Variants in RBM39 observed in about 807,000 individuals in gnomAD.
The protein encoded by RBM39 is RNA binding motif protein 39.
RBM39 carries 12 observed loss-of-function variants against 79.6 expected under a neutral mutation model. The ratio of observed to expected loss-of-function variants is 0.15; its 90% CI spans 0.10 to 0.24. The LOEUF is 0.24. Ranked by LOEUF, RBM39 falls within the 10% of genes least tolerant of loss-of-function variation. The pLI is 1.00. For synonymous variants in RBM39, 185 were observed against 208.4 expected (o/e 0.89, Z 0.97); for missense variants, 243 against 653.4 (o/e 0.37, Z 6.85).
intron 3 of RBM39, chr20:35,734,989 T>C (rs753222151): frequency 8.1e-6 from 13 of 1,611,224 alleles, no homozygotes; most frequent in Non-Finnish European, 1.0e-5. Context: ...TTTGGACTTT[T>C]TGGTTATATG....
At chr20:35,740,641 G>T in intron 2 of RBM39, 183 bp downstream of exon 2, 2 of 1,368,832 alleles carry the variant, frequency 1.5e-6, no homozygotes, top group East Asian at 2.6e-5. Flanking sequence ...ACGCTGAAGT[G>T]AAACTACTGC....
intron 7 of RBM39, 123 bp downstream of exon 7, chr20:35,724,915 G>T: frequency 1.0e-6 from 1 of 983,492 alleles, no homozygotes; most frequent in Non-Finnish European, 1.5e-6. Context: ...AATACTACAA[G>T]AGGCAAAATG....
intron 12 of RBM39, among the ~76,000 whole-genome samples, chr20:35,711,683 A>G (rs1332018081): frequency 5.9e-5 from 9 of 152,244 alleles, no homozygotes; most frequent in Non-Finnish European, 1.2e-4. Flanking sequence ...ACAGTGAAAA[A>G]ATAAATGTAA....
chr20:35,718,172 TTTAATG>T (rs1359420519), intron 9 of RBM39, among the ~76,000 whole-genome samples: 2 of 152,114 alleles, frequency 1.3e-5, no homozygotes, highest in East Asian at 3.9e-4. Context: ...GGAACGAACT[TTTAATG>T]TTAAGTATAT....
At chr20:35,721,634 CTTAATA>C (rs372618800) in intron 9 of RBM39, 100 bp downstream of exon 9, 37 of 1,329,280 alleles carry the variant, frequency 2.8e-5, no homozygotes, top group Non-Finnish European at 3.4e-5. Flanking sequence ...CCCTTATCCT[CTTAATA>C]TTAACTCACA....
chr20:35,736,497 A>C (rs2146724640), intron 3 of RBM39: 2 of 436,468 alleles, frequency 4.6e-6, no homozygotes, highest in South Asian at 3.4e-5. Context: ...TGTTTTATGA[A>C]ATTTTATCAA....
chr20:35,714,892 CCACAATGGCT>C, intron 10 of RBM39, among the ~76,000 whole-genome samples: 1 of 151,840 alleles, frequency 6.6e-6, no homozygotes, highest in African/African-American at 2.4e-5. Flanking sequence ...ACACATATAC[CCACAATGGCT>C]TATCTGGAGA....
intron 15 of RBM39, chr20:35,704,999 C>T: frequency 1.7e-6 from 1 of 586,860 alleles, no homozygotes; most frequent in Non-Finnish European, 3.0e-6. Flanking sequence ...GATTTCATGG[C>T]AAGCTTTGAG....
At chr20:35,707,392 C>A in intron 13 of RBM39, 191 bp from the exon 14 acceptor site, 1 of 380,670 alleles carries the variant, frequency 2.6e-6, no homozygotes, top group Admixed American at 4.4e-5. Context: ...ACTGAGGTAA[C>A]CTAATACTTG....
At chr20:35,729,003 G>A (rs1385412763) in intron 6 of RBM39, among the ~76,000 whole-genome samples, 1 of 152,104 alleles carries the variant, frequency 6.6e-6, no homozygotes, top group Non-Finnish European at 1.5e-5. Context: ...TTGAACCCAG[G>A]AGGCGGAGGT....
At chr20:35,715,168 C>A (rs975963786) in intron 10 of RBM39, among the ~76,000 whole-genome samples, 1 of 152,064 alleles carries the variant, frequency 6.6e-6, no homozygotes, top group African/African-American at 2.4e-5. Flanking sequence ...TTTCCAGGAC[C>A]TTAAAAGGTT....
At chr20:35,714,700 C>G (rs1165622886) in intron 10 of RBM39, among the ~76,000 whole-genome samples, 1 of 152,110 alleles carries the variant, frequency 6.6e-6, no homozygotes, top group African/African-American at 2.4e-5. Flanking sequence ...CCTGTAATCT[C>G]AACACTTGGA....
At chr20:35,720,691 AAC>A (rs1385614688) in intron 9 of RBM39, among the ~76,000 whole-genome samples, 1 of 152,136 alleles carries the variant, frequency 6.6e-6, no homozygotes, top group African/African-American at 2.4e-5. Flanking sequence ...GAATCGCTTG[AAC>A]ACAGAGAGGA....
In RBM39 at chr20:35,705,742, G is replaced by A. The variant is rs188902681; in HGVS notation, c.1308-412C>T. ...GAGCCTAGGAGGCTGAGGTTGCAGT[G>A]AGCCAGTATCAAATCCCTGCATGCC... On this transcript the variant is annotated intron_variant, in intron 14 of 16. Coordinates refer to ENST00000253363, the MANE Select transcript of RBM39 (RefSeq NM_184234.3). Among the ~76,000 whole-genome samples, 16 of 150,982 alleles carry A rather than the reference G, an allele frequency of 1.1e-4. No individual in the cohort carries two copies. The East Asian group carries it at 2.3e-3, about 22-fold the overall frequency.
intron 3 of RBM39, among the ~76,000 whole-genome samples, chr20:35,737,160 G>A (rs2040016782): frequency 1.3e-5 from 2 of 151,712 alleles, no homozygotes; most frequent in South Asian, 2.1e-4. Flanking sequence ...GGGAGGCCAA[G>A]GCAGGTGGAT....
At chr20:35,740,106 T>C (rs1019969519) in intron 2 of RBM39, 12 of 156,796 alleles carry the variant, frequency 7.7e-5, no homozygotes, top group African/African-American at 2.4e-4. Flanking sequence ...ATAAAAACAA[T>C]ATGGAGAACA....
chr20:35,716,770 A>C lies in RBM39; in HGVS notation c.861T>G (p.Thr287=). Reference sequence around the variant, plus strand: ...TAAATCCATATCCCTTGGATCGACCAGTTTCACTGTCCATCATCAGCTGGA... The same window carrying C: ...TAAATCCATATCCCTTGGATCGACCCGTTTCACTGTCCATCATCAGCTGGA... The part of the protein sequence containing the change: ...ESIQLMMDSE[T]GRSKGYGFIT... The change falls in exon 10 of 17, where the codon ACT becomes ACG. Residue 287 remains threonine (T), a synonymous_variant. Coordinates refer to ENST00000253363, the MANE Select transcript of RBM39 (RefSeq NM_184234.3). 3 of 1,602,800 alleles carry C rather than the reference A, an allele frequency of 1.9e-6. No individual in the cohort carries two copies. The highest frequency in any genetic ancestry group is 2.6e-6 in the Non-Finnish European group (3 of 1,172,034).
At chr20:35,728,885 C>A (rs1307299732) in intron 6 of RBM39, among the ~76,000 whole-genome samples, 1 of 151,922 alleles carries the variant, frequency 6.6e-6, no homozygotes, top group Non-Finnish European at 1.5e-5. Context: ...CAACACTAGG[C>A]TAGCCAACAT....
At chr20:35,712,016 C>T (rs1449233187) in intron 12 of RBM39, among the ~76,000 whole-genome samples, 1 of 151,994 alleles carries the variant, frequency 6.6e-6, no homozygotes, top group African/African-American at 2.4e-5. Context: ...TTCCTTGAAC[C>T]CAGGAGGAAG....
Sources: gnomAD v4.1 joint callset for allele counts (sites outside exome capture counted in the v4.1 genomes callset) on GRCh38, gnomAD v4.1.1 for gene constraint, MANE v1.5 for transcripts, NCBI Gene and HGNC (gene_info 2026-07-23, HGNC 2026-07-21) for gene names.